The following MACROD2 variants were observed in gnomAD, a reference collection of about 807,000 sequenced individuals.
MACROD2 encodes the protein mono-ADP ribosylhydrolase 2.
In MACROD2, 36 loss-of-function variants were observed where a neutral mutation model predicts 70.4. The ratio of observed to expected loss-of-function variants is 0.51; its 90% CI spans 0.39 to 0.68. The LOEUF (loss-of-function observed/expected upper bound fraction) is 0.68, where lower values mean the gene tolerates loss of function less well. Among genes scored for constraint, MACROD2 ranks in the 30% least tolerant of loss-of-function variants. The pLI, the probability that MACROD2 is intolerant of heterozygous loss-of-function variation, is 0.00. For synonymous variants in MACROD2, 172 were observed against 178.8 expected (o/e 0.96, Z 0.30); for missense variants, 496 against 538.4 (o/e 0.92, Z 0.78).
At chr20:15,373,947 C>T (rs1425636523) in intron 6 of MACROD2, among the ~76,000 whole-genome samples, 3 of 151,848 alleles carry the variant, frequency 2.0e-5, no homozygotes, top group African/African-American at 4.8e-5. Flanking sequence ...TGAATTTTTT[C>T]ATTTGTCTTA....
At chr20:14,105,556 A>G (rs1196550583) in intron 3 of MACROD2, among the ~76,000 whole-genome samples, 2 of 152,144 alleles carry the variant, frequency 1.3e-5, no homozygotes. Context: ...TCCTAGGTAA[A>G]CTCAAGAGGC....
At chr20:15,893,457 T>C (rs2064920270) in intron 10 of MACROD2, among the ~76,000 whole-genome samples, 1 of 152,258 alleles carries the variant, frequency 6.6e-6, no homozygotes, top group East Asian at 1.9e-4. Context: ...TTTAGCATTG[T>C]CTTTCATTTT....
chr20:16,002,472 G>A (rs2066723446), intron 15 of MACROD2, among the ~76,000 whole-genome samples: 1 of 152,134 alleles, frequency 6.6e-6, no homozygotes, highest in Non-Finnish European at 1.5e-5. Context: ...AAGCAAATAG[G>A]GAAGCAGGAG....
intron 3 of MACROD2, among the ~76,000 whole-genome samples, chr20:14,205,869 A>G (rs189726575): frequency 9.4e-4 from 143 of 152,344 alleles, no homozygotes; most frequent in African/African-American, 3.4e-3. Flanking sequence ...AGTTAAATAG[A>G]TACAAAGCCT....
At chr20:15,327,617 GC>G (rs2077945273) in intron 6 of MACROD2, among the ~76,000 whole-genome samples, 1 of 151,998 alleles carries the variant, frequency 6.6e-6, no homozygotes, top group Non-Finnish European at 1.5e-5. Flanking sequence ...GGGGGTAACT[GC>G]CCCCATGATT....
intron 5 of MACROD2, among the ~76,000 whole-genome samples, chr20:14,779,172 A>T (rs1029891899): frequency 1.3e-5 from 2 of 152,136 alleles, no homozygotes; most frequent in African/African-American, 4.8e-5. Context: ...TTCCAAGCTC[A>T]GAGTGTACAT....
At chr20:14,094,780 A>G (rs1343839118) in intron 3 of MACROD2, among the ~76,000 whole-genome samples, 2 of 152,134 alleles carry the variant, frequency 1.3e-5, no homozygotes, top group Non-Finnish European at 2.9e-5. Flanking sequence ...GTTGCTCCCC[A>G]TGGCCCATAA....
chr20:16,044,376 G>A (rs981720342), intron 16 of MACROD2, among the ~76,000 whole-genome samples, 195 bp from the exon 17 acceptor site: 27 of 151,984 alleles, frequency 1.8e-4, no homozygotes, highest in Admixed American at 7.2e-4. Flanking sequence ...TTTGAAGGGG[G>A]CGTCTGAGGT....
intron 5 of MACROD2, among the ~76,000 whole-genome samples, chr20:14,745,652 A>G (rs1199855890): frequency 2.0e-5 from 3 of 152,182 alleles, no homozygotes. Context: ...AAGTTAATGT[A>G]CAACATTTGT....
chr20:15,181,189 G>A (rs1200734242), intron 5 of MACROD2, among the ~76,000 whole-genome samples: 2 of 152,062 alleles, frequency 1.3e-5, no homozygotes, highest in East Asian at 1.9e-4. Context: ...CTGTATTTTC[G>A]ATTCACGTTT....
intron 5 of MACROD2, among the ~76,000 whole-genome samples, chr20:15,055,035 T>C (rs1317882905): frequency 6.8e-6 from 1 of 147,680 alleles, no homozygotes; most frequent in Non-Finnish European, 1.5e-5. Flanking sequence ...CTGCAACCTC[T>C]TCCTCCTGGG....
intron 5 of MACROD2, among the ~76,000 whole-genome samples, chr20:15,130,894 G>A (rs2076099947): frequency 6.6e-6 from 1 of 152,064 alleles, no homozygotes; most frequent in Non-Finnish European, 1.5e-5. Context: ...GAAACTCTCT[G>A]AAGCCATAGG....
intron 5 of MACROD2, among the ~76,000 whole-genome samples, chr20:14,811,061 C>T (rs895783295): frequency 2.0e-5 from 3 of 152,030 alleles, no homozygotes; most frequent in Admixed American, 2.0e-4. Context: ...CTACCATTGG[C>T]TTTCTTCACA....
intron 3 of MACROD2, chr20:14,324,345 G>T (rs1269877848): frequency 6.6e-6 from 1 of 152,362 alleles, no homozygotes; most frequent in Admixed American, 6.6e-5. Context: ...ACAAGTAACA[G>T]CTCACAATTC....
Position 15,413,194 on chromosome 20 carries a change from T to C in MACROD2, c.541-18211T>C, listed in dbSNP as rs142860920. 2.6e-5 allele frequency among the ~76,000 whole-genome samples: 4 copies of C among 152,272 alleles called. No homozygotes were observed. In the East Asian group the frequency reaches 5.8e-4, roughly 22 times the overall value. Reference sequence around the variant, plus strand: ...ATTCACTGCAGAAGGCAAAATGTCATGGCATTTCTTTATGAAAATATAAAA... The same window carrying C: ...ATTCACTGCAGAAGGCAAAATGTCACGGCATTTCTTTATGAAAATATAAAA... On this transcript the variant is annotated intron_variant, in intron 6 of 17. Coordinates refer to ENST00000684519, the MANE Select transcript of MACROD2 (RefSeq NM_001351661.2).
rs767818156 is a variant in MACROD2, at chr20:14,556,002, T to C, written c.301+62494T>C. Reference sequence around the variant, plus strand: ...AACTATTTTAACTAATTGAAGTGACTTAACCATATAATTATTTTCAAATGT... The same window carrying C: ...AACTATTTTAACTAATTGAAGTGACCTAACCATATAATTATTTTCAAATGT... On this transcript the variant is annotated intron_variant, in intron 4 of 17. Transcript: ENST00000684519. Among the ~76,000 whole-genome samples the C allele has an allele frequency of 2.4e-4, 36 of 152,162 alleles. 1 individual carries two copies. The Middle Eastern group carries it at 0.027, about 115-fold the overall frequency.
At chr20:15,231,829 T>C (rs542769982) in intron 6 of MACROD2, among the ~76,000 whole-genome samples, 1 of 152,174 alleles carries the variant, frequency 6.6e-6, no homozygotes, top group South Asian at 2.1e-4. Flanking sequence ...TTAACATCTT[T>C]GATGATTATT....
At chr20:15,764,887 C>T (rs879868874) in intron 8 of MACROD2, among the ~76,000 whole-genome samples, 1 of 152,186 alleles carries the variant, frequency 6.6e-6, no homozygotes, top group African/African-American at 2.4e-5. Context: ...CCCTGCTAAT[C>T]TCTTGGTTTT....
At chr20:15,330,300 G>GTGAT (rs945224952) in intron 6 of MACROD2, among the ~76,000 whole-genome samples, 9 of 149,790 alleles carry the variant, frequency 6.0e-5, no homozygotes, top group African/African-American at 2.2e-4. Flanking sequence ...AGCCCTCCAT[G>GTGAT]TGATTGTCAG....
Sources: allele counts gnomAD v4.1 joint callset (sites outside exome capture counted in the v4.1 genomes callset), GRCh38; gene constraint gnomAD v4.1.1; transcripts MANE v1.5; gene names NCBI Gene and HGNC (gene_info 2026-07-23, HGNC 2026-07-21).